The following VAV3 variants were observed in gnomAD, a reference collection of about 807,000 sequenced individuals.
VAV3 encodes vav guanine nucleotide exchange factor 3, also known as guanine nucleotide exchange factor VAV3.
VAV3 carries 94 observed loss-of-function variants against 131.2 expected under a neutral mutation model. The observed-to-expected ratio is 0.72, with a 90% CI of 0.61 to 0.85. The LOEUF is 0.85. Among genes scored for constraint, VAV3 ranks in the 40% least tolerant of loss-of-function variants. VAV3 has a pLI of 0.00. For missense variants in VAV3, 939 were observed against 1,002.7 expected, an observed-to-expected ratio of 0.94 and a Z score of 0.86; for synonymous variants, 349 against 342.0, an observed-to-expected ratio of 1.02 and a Z score of -0.22.
intron 19 of VAV3, among the ~76,000 whole-genome samples, chr1:107,681,998 C>G (rs1279364627): frequency 6.6e-6 from 1 of 152,154 alleles, no homozygotes; most frequent in Non-Finnish European, 1.5e-5. Context: ...CAGCACTTCT[C>G]TTGTAAGTTT....
intron 15 of VAV3, among the ~76,000 whole-genome samples, chr1:107,736,883 G>T (rs1333377040): frequency 6.6e-6 from 1 of 152,158 alleles, no homozygotes; most frequent in Non-Finnish European, 1.5e-5. Context: ...ACAAAAAAGA[G>T]CCCGCATTGC....
intron 2 of VAV3, among the ~76,000 whole-genome samples, chr1:107,858,105 C>A (rs1167951998): frequency 6.6e-6 from 1 of 152,054 alleles, no homozygotes; most frequent in Non-Finnish European, 1.5e-5. Flanking sequence ...TTAGGGAATT[C>A]TTTTCACTCT....
intron 15 of VAV3, among the ~76,000 whole-genome samples, chr1:107,732,824 A>T (rs1205065112): frequency 2.0e-5 from 3 of 152,184 alleles, no homozygotes; most frequent in Non-Finnish European, 4.4e-5. Context: ...TTTGCAGACT[A>T]AAATGTCCCT....
chr1:107,587,986 G>C (rs537202550), intron 25 of VAV3, among the ~76,000 whole-genome samples: 16 of 152,182 alleles, frequency 1.1e-4, no homozygotes, highest in Non-Finnish European at 2.2e-4. Context: ...AAGATCATAA[G>C]TACTGCTCTG....
chr1:107,645,091 C>G (rs1273352433), intron 19 of VAV3, among the ~76,000 whole-genome samples: 3 of 151,918 alleles, frequency 2.0e-5, no homozygotes, highest in Admixed American at 6.6e-5. Flanking sequence ...TTATGAGCTT[C>G]ATTTAAGAAG....
chr1:107,655,189 A>C (rs1287559247), intron 19 of VAV3, among the ~76,000 whole-genome samples: 1 of 152,152 alleles, frequency 6.6e-6, no homozygotes, highest in Non-Finnish European at 1.5e-5. Flanking sequence ...AAATGGAATA[A>C]AGCTGGAGAT....
intron 19 of VAV3, among the ~76,000 whole-genome samples, chr1:107,682,097 A>T (rs1196808454): frequency 6.6e-6 from 1 of 152,220 alleles, no homozygotes; most frequent in Admixed American, 6.6e-5. Flanking sequence ...TTTAGGATAA[A>T]GGAGTATAAA....
Position 107,704,976 on chromosome 1 carries a change from A to G in VAV3, c.1588T>C (p.Cys530Arg). Residue 530 changes from cysteine to arginine, a missense_variant, in exon 16 of 27, where the codon TGC becomes CGC. Transcript: ENST00000370056. Reference sequence around the variant, plus strand: ...CAGGCTTACCTCAGGAGCATCTGGCAGACTTTGCAGGATGTGACTCGAGTG... The same window carrying G: ...CAGGCTTACCTCAGGAGCATCTGGCGGACTTTGCAGGATGTGACTCGAGTG... Reference protein sequence around the residue: ...TFTRVTSCKVCQMLLRGTFYQ... With the variant: ...TFTRVTSCKVRQMLLRGTFYQ... 3.1e-6 allele frequency: 5 copies of G among 1,613,950 alleles called. No individual in the cohort carries two copies. The highest frequency in any genetic ancestry group is 4.2e-6 in the Non-Finnish European group (5 of 1,179,916).
chr1:107,766,667 A>G, intron 7 of VAV3, 117 bp from the exon 8 acceptor site: 4 of 731,650 alleles, frequency 5.5e-6, no homozygotes, highest in Admixed American at 5.2e-5. Context: ...AATGCTCTCA[A>G]TATATAAAAC....
chr1:107,639,971 T>C lies in VAV3; in HGVS notation c.1914+2648A>G, dbSNP rs148973055. ...AAAAAAAGAATGACCACACCAAATG[T>C]TGGCAAGGATAAGAGGCACCTAAAA... is the stretch of plus-strand genomic sequence containing the variant. On this transcript the variant is annotated intron_variant, in intron 20 of 26. Coordinates refer to ENST00000370056, the MANE Select transcript of VAV3 (RefSeq NM_006113.5). Among the ~76,000 whole-genome samples, 200 of 151,440 alleles carry C rather than the reference T, an allele frequency of 1.3e-3. 1 individual carries two copies. In the East Asian group the frequency reaches 0.028, roughly 21 times the overall value.
intron 17 of VAV3, among the ~76,000 whole-genome samples, chr1:107,690,320 A>C (rs552602079): frequency 6.6e-6 from 1 of 152,126 alleles, no homozygotes; most frequent in African/African-American, 2.4e-5. Context: ...CAGGAAGAGG[A>C]AACAATGGTA....
At chr1:107,913,848 T>A (rs546967392) in intron 1 of VAV3, among the ~76,000 whole-genome samples, 1 of 152,240 alleles carries the variant, frequency 6.6e-6, no homozygotes, top group East Asian at 1.9e-4. Flanking sequence ...CAGGCTGGAG[T>A]GAAGTGGCAT....
intron 22 of VAV3, chr1:107,609,710 T>A (rs1328208): frequency 0.38 from 182,029 of 484,078 alleles, 35,502 homozygotes; most frequent in Middle Eastern, 0.44. Flanking sequence ...ATTATCAGTC[T>A]AGGGCACTGG....
chr1:107,637,053 T>C (rs974290475), intron 20 of VAV3, among the ~76,000 whole-genome samples: 5 of 152,100 alleles, frequency 3.3e-5, no homozygotes, highest in Non-Finnish European at 2.9e-5. Context: ...TCTGGTTCTA[T>C]TAGAAGATCA....
At chr1:107,744,154 C>T (rs1663186496) in intron 15 of VAV3, among the ~76,000 whole-genome samples, 1 of 152,186 alleles carries the variant, frequency 6.6e-6, no homozygotes, top group South Asian at 2.1e-4. Context: ...CCCAGAGTCC[C>T]TCCAGAGCTC....
At chr1:107,619,553 C>T (rs185055491) in intron 20 of VAV3, among the ~76,000 whole-genome samples, 81 of 152,072 alleles carry the variant, frequency 5.3e-4, no homozygotes, top group African/African-American at 1.9e-3. Context: ...GTGGTAGGAA[C>T]CATACACTGA....
At chr1:107,799,346 A>G (rs1666721151) in intron 2 of VAV3, among the ~76,000 whole-genome samples, 1 of 151,494 alleles carries the variant, frequency 6.6e-6, no homozygotes. Context: ...TCTATCACGT[A>G]GAAAAAATAT....
At chr1:107,833,162 T>G (rs545319809) in intron 2 of VAV3, among the ~76,000 whole-genome samples, 131 of 152,274 alleles carry the variant, frequency 8.6e-4, no homozygotes, top group Non-Finnish European at 1.5e-3. Context: ...AAGTAGTGAA[T>G]GTAAAGGAAA....
intron 20 of VAV3, among the ~76,000 whole-genome samples, chr1:107,640,788 G>C (rs1017852444): frequency 6.6e-6 from 1 of 152,136 alleles, no homozygotes; most frequent in African/African-American, 2.4e-5. Context: ...GCTTAGCTTT[G>C]GTTGTGGAGA....
Sources: gnomAD v4.1 joint callset for allele counts (sites outside exome capture counted in the v4.1 genomes callset) on GRCh38, gnomAD v4.1.1 for gene constraint, MANE v1.5 for transcripts, NCBI Gene and HGNC (gene_info 2026-07-23, HGNC 2026-07-21) for gene names.